The following MACF1 variants were observed in gnomAD, a reference collection of about 807,000 sequenced individuals.
The protein encoded by MACF1 is microtubule-actin cross-linking factor 1.
MACF1 carries 193 observed loss-of-function variants against 854.8 expected under a neutral mutation model. That is an observed-to-expected ratio of 0.23 (90% CI 0.20 to 0.25). MACF1 has a LOEUF of 0.25. MACF1 is among the 10% of genes least tolerant of loss of function. The pLI is 1.00. For missense variants in MACF1, 7,722 were observed against 8,929.1 expected (o/e 0.86, Z 5.45); for synonymous variants, 3,185 against 3,226.7 (o/e 0.99, Z 0.44).
chr1:39,137,418 A>G (rs1643205798), intron 2 of MACF1, among the ~76,000 whole-genome samples: 1 of 152,178 alleles, frequency 6.6e-6, no homozygotes. Context: ...CACAGAGTGG[A>G]GTGCAGTGGC....
At chr1:39,173,459 A>G (rs1643981137) in intron 2 of MACF1, among the ~76,000 whole-genome samples, 1 of 152,206 alleles carries the variant, frequency 6.6e-6, no homozygotes, top group Non-Finnish European at 1.5e-5. Flanking sequence ...GAGGCTAGTG[A>G]GAGAGTTCAG....
intron 2 of MACF1, among the ~76,000 whole-genome samples, chr1:39,090,945 C>T (rs1397938823): frequency 5.3e-5 from 8 of 151,972 alleles, no homozygotes; most frequent in South Asian, 4.2e-4. Flanking sequence ...TGATTTGGCC[C>T]GGCCACTGCT....
intron 2 of MACF1, among the ~76,000 whole-genome samples, chr1:39,153,365 G>T (rs1286644301): frequency 6.6e-6 from 1 of 152,074 alleles, no homozygotes; most frequent in Non-Finnish European, 1.5e-5. Flanking sequence ...AAGTGTTTTT[G>T]CCTTCTCTCT....
chr1:39,473,394 T>A (rs1251773620), intron 97 of MACF1, among the ~76,000 whole-genome samples: 2 of 152,262 alleles, frequency 1.3e-5, no homozygotes, highest in African/African-American at 4.8e-5. Context: ...TCTTGTAGTA[T>A]CTTTCTTATG....
In MACF1 at chr1:39,331,646, T is replaced by C. The variant is rs764163744; in HGVS notation, c.5058T>C (p.His1686=). 6.2e-7 allele frequency: 1 copy of C among 1,614,218 alleles called. No homozygotes were observed. Among genetic ancestry groups the C allele is most frequent in the East Asian group, 2.2e-5 (1 of 44,884 alleles). Residue 1686 remains histidine (H), a synonymous_variant, in exon 37 of 101, where the codon CAT becomes CAC. Coordinates refer to ENST00000564288, the MANE Select transcript of MACF1 (RefSeq NM_001394062.1). ...AAGGCCTCATTTCTGCATGGCTTCA[T>C]TCAGTATTAGAGTCTTATCTTAGAA... ...FHQGLISAWL[H]SVLESYLRTS... is the part of the protein sequence containing the mutation.
intron 5 of MACF1, among the ~76,000 whole-genome samples, chr1:39,256,482 T>A (rs74940432): frequency 0.023 from 3,489 of 152,182 alleles, 82 homozygotes; most frequent in East Asian, 0.13. Flanking sequence ...TTTGAGAAGG[T>A]CACTAGGGTC....
At chr1:39,327,949 T>G (rs537142604) in intron 36 of MACF1, among the ~76,000 whole-genome samples, 11 of 152,218 alleles carry the variant, frequency 7.2e-5, no homozygotes, top group Non-Finnish European at 1.5e-4. Flanking sequence ...TCCTGGATAC[T>G]TGTGCGTGTG....
chr1:39,191,205 T>C lies in MACF1; in HGVS notation c.221-39977T>C, dbSNP rs958706089. ...TTGGGGTGATTCTTTCTTTCTTTTTTTTTTTTTTTTTTTAACCTAGCAGTA... is the reference window on the plus strand; with the variant it reads ...TTGGGGTGATTCTTTCTTTCTTTTTCTTTTTTTTTTTTTAACCTAGCAGTA... On this transcript the variant is annotated intron_variant, in intron 2 of 93. Transcript: ENST00000361689. Among the ~76,000 whole-genome samples, 51 of 150,578 alleles carry C rather than the reference T, an allele frequency of 3.4e-4. No individual in the cohort carries two copies. In the South Asian group the frequency reaches 6.7e-3, roughly 20 times the overall value.
At chr1:39,155,160 T>C (rs1465083348) in intron 2 of MACF1, among the ~76,000 whole-genome samples, 1 of 152,220 alleles carries the variant, frequency 6.6e-6, no homozygotes, top group Non-Finnish European at 1.5e-5. Context: ...GCCAGACCAT[T>C]GCACCACCAC....
rs529014941 is a variant in MACF1, at chr1:39,449,066, C to T, written c.20258+303C>T. On this transcript the variant is annotated intron_variant, in intron 84 of 100. Coordinates refer to ENST00000564288, the MANE Select transcript of MACF1 (RefSeq NM_001394062.1). ...ATACCAACAACTGTCTTATTGACTGCTCTTGGACACTCCAAAGCCTCTACA... is the reference window on the plus strand; with the variant it reads ...ATACCAACAACTGTCTTATTGACTGTTCTTGGACACTCCAAAGCCTCTACA... Among the ~76,000 whole-genome samples, 480 of 152,310 alleles carry T rather than the reference C, an allele frequency of 3.2e-3. 2 individuals are homozygous for T. The highest frequency in any genetic ancestry group is 0.011 in the African/African-American group (463 of 41,560).
At chr1:39,159,074 CTTA>C (rs1643746962) in intron 2 of MACF1, among the ~76,000 whole-genome samples, 2 of 152,272 alleles carry the variant, frequency 1.3e-5, no homozygotes, top group South Asian at 4.1e-4. Flanking sequence ...CGTGTGAGCA[CTTA>C]TTATGGTGTG....
intron 5 of MACF1, chr1:39,254,636 A>C: frequency 2.4e-6 from 1 of 408,452 alleles, no homozygotes; most frequent in Non-Finnish European, 4.4e-6. Context: ...TTGTGGATGC[A>C]CCTTAGGTGG....
intron 97 of MACF1, among the ~76,000 whole-genome samples, chr1:39,478,943 G>A (rs1020643917): frequency 2.0e-5 from 3 of 152,190 alleles, no homozygotes; most frequent in Non-Finnish European, 2.9e-5. Context: ...AATAATCTAA[G>A]AACATATTCC....
chr1:39,368,387 C>A, intron 50 of MACF1, 73 bp downstream of exon 50: 2 of 1,426,488 alleles, frequency 1.4e-6, no homozygotes, highest in Non-Finnish European at 9.7e-7. Flanking sequence ...GATCTTTTCT[C>A]TTTTCTTCCT....
chr1:39,337,416 AC>A lies in MACF1; in HGVS notation c.10215+87del, dbSNP rs1203230246. On this transcript the variant is annotated intron_variant, in intron 38 of 100. Coordinates refer to ENST00000564288, the MANE Select transcript of MACF1 (RefSeq NM_001394062.1). ...CTTGAAGATTTCAAGACTTACTAGA[AC>A]CTGCTTGCACTCTATTCTAGGGTAA... is the stretch of plus-strand genomic sequence containing the variant. 1.1e-5 allele frequency: 15 copies of A among 1,354,838 alleles called. No individual in the cohort carries two copies. The African/African-American group carries it at 1.7e-4, about 16-fold the overall frequency. 83.9% of individuals were successfully genotyped at this position (1,354,838 alleles called of 1,614,324 possible).
chr1:39,143,164 C>G (rs565475636), intron 2 of MACF1, among the ~76,000 whole-genome samples: 1 of 152,290 alleles, frequency 6.6e-6, no homozygotes, highest in East Asian at 1.9e-4. Flanking sequence ...TCAACTAACC[C>G]TTGAATTTTT....
chr1:39,485,640 T>C lies in MACF1; in HGVS notation c.22514T>C (p.Leu7505Ser). The C allele has an allele frequency of 6.2e-7, 1 of 1,614,102 alleles. No individual in the cohort carries two copies. Among genetic ancestry groups the C allele is most frequent in the Non-Finnish European group, 8.5e-7 (1 of 1,180,020 alleles). The change falls in exon 101 of 101, where the codon TTA (leucine) becomes TCA (serine). Residue 7505 changes from leucine to serine, a missense_variant. Physicochemically the swap from Leu to Ser is moderately radical, Grantham distance 145. This residue lies in a region of MACF1 where 185 missense variants were observed against 225.7 expected (regional missense o/e 0.82). Transcript: ENST00000564288. ...RGSDASDFDLLETQSACSDTS... is the reference protein window; with the variant it reads ...RGSDASDFDLSETQSACSDTS... Reference sequence around the variant, plus strand: ...AGTGACGCTTCTGACTTTGACCTCTTAGAGACGCAGTCTGCTTGTTCCGAC... The same window carrying C: ...AGTGACGCTTCTGACTTTGACCTCTCAGAGACGCAGTCTGCTTGTTCCGAC...
chr1:39,394,434 C>T (rs1471500890), intron 58 of MACF1, among the ~76,000 whole-genome samples: 4 of 152,014 alleles, frequency 2.6e-5, no homozygotes, highest in African/African-American at 9.7e-5. Flanking sequence ...CGAGCCTGGC[C>T]AAGATGGTGA....
At position 39,460,894 on chromosome 1, in the gene MACF1, A is replaced by G; in HGVS notation, c.21523+100A>G. 2.1e-6 allele frequency: 3 copies of G among 1,406,414 alleles called. No homozygotes were observed. Among genetic ancestry groups the G allele is most frequent in the Non-Finnish European group, 2.0e-6 (2 of 1,011,388 alleles). 87.1% of individuals were successfully genotyped at this position (1,406,414 alleles called of 1,614,324 possible). A position where few individuals can be genotyped will look rare whatever the true frequency, so the allele number is the denominator to read the frequency against. On this transcript the variant is annotated intron_variant, in intron 92 of 100. Transcript: ENST00000564288. The surrounding 1 kb of genome is among the most constrained non-coding windows in gnomAD (Gnocchi z 4.1). ...CTAAACAGTCTTTCTGAAGCTGGCC[A>G]GGAGCTTGGCTCACACCTGTAATTC...
Sources: gnomAD v4.1 joint callset for allele counts (sites outside exome capture counted in the v4.1 genomes callset) on GRCh38, gnomAD v4.1.1 for gene constraint, gnomAD v4.1.1 regional missense constraint, Gnocchi (gnomAD v3.1) non-coding constraint, MANE v1.5 for transcripts, NCBI Gene and HGNC (gene_info 2026-07-23, HGNC 2026-07-21) for gene names.